Variants in SGCZ observed in about 807,000 individuals in gnomAD.
The protein encoded by SGCZ is zeta-sarcoglycan.
A neutral mutation model predicts 41.3 loss-of-function variants in SGCZ; 40 were observed. That is an observed-to-expected ratio of 0.97 (90% CI 0.75 to 1.26). The LOEUF (loss-of-function observed/expected upper bound fraction) is 1.26. SGCZ is among the 50% of genes most tolerant of loss of function. The pLI is 0.00. For synonymous variants in SGCZ, 206 were observed against 137.5 expected, an observed-to-expected ratio of 1.50 and a Z score of -3.49; for missense variants, 552 against 369.8, an observed-to-expected ratio of 1.49 and a Z score of -4.04.
chr8:14,204,225 T>C (rs946718503), intron 4 of SGCZ, among the ~76,000 whole-genome samples: 4 of 151,814 alleles, frequency 2.6e-5, no homozygotes, highest in Admixed American at 2.6e-4. Context: ...TTGTGTCATA[T>C]CTGTTGCTTA....
chr8:14,469,348 C>T (rs1056611770), intron 2 of SGCZ, among the ~76,000 whole-genome samples: 2 of 151,816 alleles, frequency 1.3e-5, no homozygotes, highest in South Asian at 2.1e-4. Context: ...ACAGCTTGCT[C>T]TGGAGATCTC....
At chr8:14,616,862 C>T (rs1806122347) in intron 1 of SGCZ, among the ~76,000 whole-genome samples, 3 of 152,118 alleles carry the variant, frequency 2.0e-5, no homozygotes, top group African/African-American at 7.2e-5. Flanking sequence ...TACATGTCCT[C>T]AGCATTGTCC....
intron 3 of SGCZ, 78 bp downstream of exon 3, chr8:14,324,025 G>T: frequency 1.1e-6 from 1 of 904,192 alleles, no homozygotes; most frequent in Non-Finnish European, 1.8e-6. Flanking sequence ...GAGATAAGGG[G>T]ATTCTACCCT....
chr8:14,936,046 A>G (rs528661840), intron 1 of SGCZ, among the ~76,000 whole-genome samples: 1 of 152,122 alleles, frequency 6.6e-6, no homozygotes, highest in South Asian at 2.1e-4. Flanking sequence ...CAAAACTTGT[A>G]TGTACCTAGA....
intron 2 of SGCZ, among the ~76,000 whole-genome samples, chr8:14,360,935 C>T (rs1432384357): frequency 6.6e-6 from 1 of 152,116 alleles, no homozygotes; most frequent in Admixed American, 6.5e-5. Context: ...AGTTTTTCCG[C>T]AAGCTCAGCA....
At chr8:14,113,171 T>G (rs1176581841) in intron 5 of SGCZ, among the ~76,000 whole-genome samples, 1 of 152,210 alleles carries the variant, frequency 6.6e-6, no homozygotes, top group Middle Eastern at 3.4e-3. Flanking sequence ...AAAGCTATAA[T>G]TATTTTCCTG....
At chr8:14,894,254 A>T in intron 1 of SGCZ, among the ~76,000 whole-genome samples, 2 of 152,142 alleles carry the variant, frequency 1.3e-5, no homozygotes, top group East Asian at 3.9e-4. Context: ...TTTCCGAATT[A>T]AGTTAAGCAA....
At chr8:14,636,685 A>C (rs554647078) in intron 1 of SGCZ, among the ~76,000 whole-genome samples, 3 of 151,826 alleles carry the variant, frequency 2.0e-5, no homozygotes, top group Non-Finnish European at 2.9e-5. Flanking sequence ...CTCAGGAAGG[A>C]AGGCATATAT....
chr8:14,211,815 T>C (rs1321900510), intron 4 of SGCZ, among the ~76,000 whole-genome samples: 1 of 152,052 alleles, frequency 6.6e-6, no homozygotes, highest in Admixed American at 6.5e-5. Context: ...GAGATTTGGG[T>C]GGGGACACAA....
At chr8:14,585,942 G>T (rs1333007694) in intron 1 of SGCZ, among the ~76,000 whole-genome samples, 1 of 151,854 alleles carries the variant, frequency 6.6e-6, no homozygotes, top group African/African-American at 2.4e-5. Context: ...TTAAGACAAA[G>T]AACAATATCA....
intron 2 of SGCZ, among the ~76,000 whole-genome samples, chr8:14,390,447 T>A (rs1804729796): frequency 6.6e-6 from 1 of 151,864 alleles, no homozygotes; most frequent in Admixed American, 6.6e-5. Context: ...ATTTAAAAAT[T>A]AAATTTGCAT....
At chr8:14,712,203 A>T (rs530897313) in intron 1 of SGCZ, among the ~76,000 whole-genome samples, 111 of 151,376 alleles carry the variant, frequency 7.3e-4, no homozygotes, top group African/African-American at 2.7e-3. Context: ...AAGTATTTTC[A>T]TGATCTTGCT....
intron 1 of SGCZ, among the ~76,000 whole-genome samples, chr8:14,731,396 G>C (rs753229472): frequency 6.9e-6 from 1 of 144,714 alleles, no homozygotes; most frequent in African/African-American, 2.5e-5. Flanking sequence ...GGGGTGGGGG[G>C]ATAGGGGAGG....
At chr8:14,255,894 T>G (rs189250565) in intron 3 of SGCZ, among the ~76,000 whole-genome samples, 1 of 152,106 alleles carries the variant, frequency 6.6e-6, no homozygotes, top group Non-Finnish European at 1.5e-5. Context: ...TATTTGACAA[T>G]AGCCCAATTA....
chr8:14,450,156 G>C (rs1405360339), intron 2 of SGCZ, among the ~76,000 whole-genome samples: 1 of 152,118 alleles, frequency 6.6e-6, no homozygotes, highest in Non-Finnish European at 1.5e-5. Context: ...TGTCCCATAA[G>C]GCCATGGCTG....
At chr8:14,431,269 A>C (rs1450675583) in intron 2 of SGCZ, among the ~76,000 whole-genome samples, 1 of 152,210 alleles carries the variant, frequency 6.6e-6, no homozygotes, top group East Asian at 1.9e-4. Context: ...TGGAGGCATC[A>C]CATTACCTGA....
intron 1 of SGCZ, among the ~76,000 whole-genome samples, chr8:14,619,515 A>G (rs544876956): frequency 6.6e-6 from 1 of 152,320 alleles, no homozygotes; most frequent in East Asian, 1.9e-4. Flanking sequence ...CTGTCTGCAG[A>G]TGACATGACT....
chr8:14,642,393 T>C (rs1355365615), intron 1 of SGCZ, among the ~76,000 whole-genome samples: 1 of 151,612 alleles, frequency 6.6e-6, no homozygotes, highest in Non-Finnish European at 1.5e-5. Flanking sequence ...TTAATATCTA[T>C]AGACAAATCT....
At chr8:14,117,387 G>A (rs1260790602) in intron 5 of SGCZ, among the ~76,000 whole-genome samples, 61 of 127,386 alleles carry the variant, frequency 4.8e-4, no homozygotes, top group African/African-American at 1.7e-3. Context: ...AGCTTAAATT[G>A]TGACACTGAG....
Sources: gnomAD v4.1 joint callset for allele counts (sites outside exome capture counted in the v4.1 genomes callset) on GRCh38, gnomAD v4.1.1 for gene constraint, MANE v1.5 for transcripts, NCBI Gene and HGNC (gene_info 2026-07-23, HGNC 2026-07-21) for gene names.